The following TAF5L variants were observed in gnomAD, a reference collection of about 807,000 sequenced individuals.
TAF5L encodes TATA-box binding protein associated factor 5 like.
In TAF5L, 7 loss-of-function variants were observed where a neutral mutation model predicts 51.3. That is an observed-to-expected ratio of 0.14 (90% confidence interval 0.08 to 0.26). The LOEUF is 0.26. Among genes scored for constraint, TAF5L ranks in the 10% least tolerant of loss-of-function variants. TAF5L has a pLI of 1.00. For synonymous variants in TAF5L, 291 were observed against 308.1 expected, an observed-to-expected ratio of 0.94 and a Z score of 0.58; for missense variants, 575 against 758.9, an observed-to-expected ratio of 0.76 and a Z score of 2.85.
intron 4 of TAF5L, chr1:229,599,681 T>C (rs906846093): frequency 5.9e-6 from 2 of 336,770 alleles, no homozygotes; most frequent in African/African-American, 4.5e-5. Flanking sequence ...TATTCATTCA[T>C]CTTGATGGCC....
intron 1 of TAF5L, among the ~76,000 whole-genome samples, chr1:229,618,046 C>T (rs1665070293): frequency 1.3e-5 from 2 of 152,114 alleles, no homozygotes; most frequent in Non-Finnish European, 2.9e-5. Flanking sequence ...TTTCAAGTGA[C>T]ATGGATAATT....
At chr1:229,619,259 T>C (rs1665119172) in intron 1 of TAF5L, among the ~76,000 whole-genome samples, 1 of 152,100 alleles carries the variant, frequency 6.6e-6, no homozygotes, top group Non-Finnish European at 1.5e-5. Flanking sequence ...AACTGAAAAA[T>C]AAATGAGCCA....
At chr1:229,604,754 T>C (rs1211318303) in intron 3 of TAF5L, among the ~76,000 whole-genome samples, 1 of 152,168 alleles carries the variant, frequency 6.6e-6, no homozygotes, top group African/African-American at 2.4e-5. Flanking sequence ...GAATGGGTAG[T>C]GGAAAGAGGC....
At position 229,610,226 on chromosome 1, in the gene TAF5L, TAC is replaced by T. The variant is rs1211424441; in HGVS notation, c.143-18_143-17del. Reference sequence around the variant, plus strand: ...TCTGATTGCACTAAAGAGGAGAAGATACACAAGTCAGGGCGGGAAACAGAGAG... The same window carrying T: ...TCTGATTGCACTAAAGAGGAGAAGATACAAGTCAGGGCGGGAAACAGAGAG... On this transcript the variant is annotated splice_polypyrimidine_tract_variant and intron_variant, in intron 2 of 4. Transcript: ENST00000258281. 1 of 1,612,226 alleles carries T rather than the reference TAC, an allele frequency of 6.2e-7. No individual in the cohort carries two copies. The highest frequency in any genetic ancestry group is 1.3e-5 in the African/African-American group (1 of 75,006).
At position 229,594,195 on chromosome 1, in the gene TAF5L, A is replaced by AG; in HGVS notation, c.*101dup. The AG allele has an allele frequency of 7.7e-7, 1 of 1,300,464 alleles. No homozygotes were observed. Among genetic ancestry groups the AG allele is most frequent in the South Asian group, 1.5e-5 (1 of 66,998 alleles). The allele number at this position is 1,300,464 out of a possible 1,614,324, so 80.6% of individuals were successfully genotyped here. ...ATGAGGGCCCAGGAGAGAGGGGAGG[A>AG]GGGGGCTCTTTCACAGTCAATGATT... On this transcript the variant is annotated 3_prime_UTR_variant, in exon 5 of 5. Coordinates refer to ENST00000258281, the Ensembl canonical transcript of TAF5L. This position sits in a 1 kb window ranked among gnomAD's most constrained non-coding sequence, Gnocchi z 7.9.
chr1:229,605,934 C>T (rs1376056296), intron 3 of TAF5L, among the ~76,000 whole-genome samples: 2 of 152,168 alleles, frequency 1.3e-5, no homozygotes, highest in Non-Finnish European at 2.9e-5. Flanking sequence ...CTGTTTCTTT[C>T]GAGAACTGTG....
At chr1:229,609,179 G>C (rs1664704636) in intron 3 of TAF5L, among the ~76,000 whole-genome samples, 1 of 152,140 alleles carries the variant, frequency 6.6e-6, no homozygotes, top group Non-Finnish European at 1.5e-5. Flanking sequence ...AGACACAAAA[G>C]TAAATCACCA....
At chr1:229,613,377 C>G (rs1571848051) in intron 2 of TAF5L, among the ~76,000 whole-genome samples, 1 of 148,438 alleles carries the variant, frequency 6.7e-6, no homozygotes, top group Non-Finnish European at 1.5e-5. Context: ...AGAAGAAAGT[C>G]ATAAAGTCAT....
At chr1:229,609,982 AT>A in intron 3 of TAF5L, 123 bp downstream of exon 3, 9 of 734,630 alleles carry the variant, frequency 1.2e-5, no homozygotes, top group Non-Finnish European at 1.8e-5. Flanking sequence ...GCATTACTCT[AT>A]TTTTTAATTT....
At chr1:229,593,153 A>G (rs915668284) in exon 5 of TAF5L, 2 of 152,220 alleles carry the variant, frequency 1.3e-5, no homozygotes, top group African/African-American at 4.8e-5. Context: ...AAAACAAAAT[A>G]CAAAATAACT....
In TAF5L at chr1:229,602,061, C is replaced by A. The variant is rs1167682395; in HGVS notation, c.972+134G>T. The stretch of plus-strand genomic sequence containing the variant: ...GCAGGAATTCAATGGCTACAGGTAA[C>A]ATGTCATTAGTCTGGCTTTAGCTAT... On this transcript the variant is annotated intron_variant, in intron 4 of 4. Coordinates refer to ENST00000258281, the Ensembl canonical transcript of TAF5L. This position sits in a 1 kb window ranked among gnomAD's most constrained non-coding sequence, Gnocchi z 4.6. The A allele has an allele frequency of 1.9e-5, 28 of 1,493,628 alleles. No homozygotes were observed. The highest frequency in any genetic ancestry group is 2.8e-5 in the African/African-American group (2 of 71,222). The allele number at this position is 1,493,628 out of a possible 1,614,324, so 92.5% of individuals were successfully genotyped here.
Position 229,602,835 on chromosome 1 carries a change from C to T in TAF5L, c.332G>A (p.Ser111Asn). The T allele has an allele frequency of 6.2e-7, 1 of 1,612,496 alleles. No homozygotes were observed. The highest frequency in any genetic ancestry group is 8.5e-7 in the Non-Finnish European group (1 of 1,180,030). Residue 111 changes from serine (S) to asparagine (N), a missense_variant, in exon 4 of 5, where the codon AGT becomes AAT. Around this residue, in one of 3 missense-constraint regions of TAF5L, gnomAD observed 380 missense variants for 443.7 expected, o/e 0.86. Coordinates refer to ENST00000258281, the Ensembl canonical transcript of TAF5L. The surrounding 1 kb of genome is among the most constrained non-coding windows in gnomAD (Gnocchi z 4.6). Reference sequence around the variant, plus strand: ...AAAACTTTCCACTGTGCTCTTCGGACTGTTTTGGACCAGGTTGAGATGGAG... The same window carrying T: ...AAAACTTTCCACTGTGCTCTTCGGATTGTTTTGGACCAGGTTGAGATGGAG...
At position 229,598,199 on chromosome 1, in the gene TAF5L, GATGT is replaced by G. The variant is rs538556270; in HGVS notation, c.973-3109_973-3106del. ...ATTTCTAAAACTTAGGACCAAAAGAGATGTATGTAACAGGTTTCATGAATGATTT... is the reference window on the plus strand; with the variant it reads ...ATTTCTAAAACTTAGGACCAAAAGAGATGTAACAGGTTTCATGAATGATTT... On this transcript the variant is annotated intron_variant, in intron 4 of 4. Coordinates refer to ENST00000258281, the Ensembl canonical transcript of TAF5L. Among the ~76,000 whole-genome samples, 247 of 152,304 alleles carry G rather than the reference GATGT, an allele frequency of 1.6e-3. 2 individuals carry two copies. The highest frequency in any genetic ancestry group is 2.5e-3 in the Non-Finnish European group (172 of 68,020).
intron 1 of TAF5L, among the ~76,000 whole-genome samples, chr1:229,616,023 T>TAA (rs1558153296): frequency 2.6e-5 from 4 of 152,148 alleles, no homozygotes; most frequent in Non-Finnish European, 5.9e-5. Context: ...CATTTTGTTT[T>TAA]ATTTTTTTTG....
At chr1:229,617,665 A>C (rs1204093689) in intron 1 of TAF5L, among the ~76,000 whole-genome samples, 2 of 152,204 alleles carry the variant, frequency 1.3e-5, no homozygotes, top group African/African-American at 2.4e-5. Flanking sequence ...CAGTGTCCTC[A>C]AGGTGCGACA....
chr1:229,602,119 A>T lies in TAF5L; in HGVS notation c.972+76T>A. The T allele has an allele frequency of 1.3e-6, 2 of 1,548,464 alleles. No individual in the cohort carries two copies. The highest frequency in any genetic ancestry group is 1.7e-6 in the Non-Finnish European group (2 of 1,148,202). On this transcript the variant is annotated intron_variant, in intron 4 of 4. Transcript: ENST00000258281. The surrounding 1 kb of genome is among the most constrained non-coding windows in gnomAD (Gnocchi z 4.6). The stretch of plus-strand genomic sequence containing the variant: ...GGGAAACTAGGAAGTCCATTCTAAG[A>T]TATGTCGTGTTTGGTAAGGACATTC...
chr1:229,594,223 A>G lies in TAF5L; in HGVS notation c.*74T>C. On this transcript the variant is annotated 3_prime_UTR_variant, in exon 5 of 5. Transcript: ENST00000258281. The surrounding 1 kb of genome is among the most constrained non-coding windows in gnomAD (Gnocchi z 7.9). ...GGGCTCTTTCACAGTCAATGATTCAATCTCAGCTCATTGAAGGATTGCAAC... is the reference window on the plus strand; with the variant it reads ...GGGCTCTTTCACAGTCAATGATTCAGTCTCAGCTCATTGAAGGATTGCAAC... 2 of 1,472,646 alleles carry G rather than the reference A, an allele frequency of 1.4e-6. No individual in the cohort carries two copies. Among genetic ancestry groups the G allele is most frequent in the South Asian group, 2.7e-5 (2 of 74,852 alleles). 91.2% of individuals were successfully genotyped at this position (1,472,646 alleles called of 1,614,324 possible).
rs960653433 is a variant in TAF5L, at chr1:229,625,495, TGTGGAGCC to T, written c.-4+382_-4+389del. 6.6e-6 allele frequency among the ~76,000 whole-genome samples: 1 copy of T among 152,172 alleles called. No homozygotes were observed. Among genetic ancestry groups the T allele is most frequent in the African/African-American group, 2.4e-5 (1 of 41,454 alleles). On this transcript the variant is annotated intron_variant, in intron 1 of 4. Coordinates refer to ENST00000258281, the Ensembl canonical transcript of TAF5L. The surrounding 1 kb of genome is among the most constrained non-coding windows in gnomAD (Gnocchi z 4.0). ...CCTTTTCCCCTACATGCAAAGGAGCTGTGGAGCCGTGCTCCCTGCTTGGCTGTCGGGCA... is the reference window on the plus strand; with the variant it reads ...CCTTTTCCCCTACATGCAAAGGAGCTGTGCTCCCTGCTTGGCTGTCGGGCA...
rs1406605965 is a variant in TAF5L at position 229,602,175 on chromosome 1, GA to G, written c.972+19del. On this transcript the variant is annotated intron_variant, in intron 4 of 4. Transcript: ENST00000258281. The surrounding 1 kb of genome is among the most constrained non-coding windows in gnomAD (Gnocchi z 4.6). Reference sequence around the variant, plus strand: ...AAATTAGGAAGGCGGGTGCAGGGAAGAAAAAAATGGTATTCATACCTCCTCC... The same window carrying G: ...AAATTAGGAAGGCGGGTGCAGGGAAGAAAAAATGGTATTCATACCTCCTCC... 4 of 1,602,128 alleles carry G rather than the reference GA, an allele frequency of 2.5e-6. No homozygotes were observed. The highest frequency in any genetic ancestry group is 2.6e-6 in the Non-Finnish European group (3 of 1,172,252).
Sources: gnomAD v4.1 joint callset for allele counts (sites outside exome capture counted in the v4.1 genomes callset) on GRCh38, gnomAD v4.1.1 for gene constraint, gnomAD v4.1.1 regional missense constraint, Gnocchi (gnomAD v3.1) non-coding constraint, MANE v1.5 for transcripts, NCBI Gene and HGNC (gene_info 2026-07-23, HGNC 2026-07-21) for gene names.